Variants in TRAPPC9 observed in about 807,000 individuals in gnomAD.
TRAPPC9 encodes trafficking protein particle complex subunit 9.
In TRAPPC9, 83 loss-of-function variants were observed where a neutral mutation model predicts 124.0. The ratio of observed to expected loss-of-function variants is 0.67; its 90% CI spans 0.56 to 0.80. The LOEUF (loss-of-function observed/expected upper bound fraction) is 0.80. Ranked by LOEUF, TRAPPC9 falls within the 30% of genes least tolerant of loss-of-function variation. TRAPPC9 has a pLI of 0.00. For missense variants in TRAPPC9, 1,302 were observed against 1,508.3 expected, an observed-to-expected ratio of 0.86 and a Z score of 2.27; for synonymous variants, 638 against 617.5, an observed-to-expected ratio of 1.03 and a Z score of -0.49.
chr8:140,159,454 G>A (rs554156181), intron 17 of TRAPPC9, among the ~76,000 whole-genome samples: 54 of 152,180 alleles, frequency 3.5e-4, no homozygotes, highest in African/African-American at 1.2e-3. Flanking sequence ...GACATCTGCC[G>A]ATGTCTCCTC....
intron 5 of TRAPPC9, among the ~76,000 whole-genome samples, chr8:140,414,361 C>T (rs528180109): frequency 5.0e-4 from 76 of 152,178 alleles, no homozygotes; most frequent in Non-Finnish European, 9.6e-4. Flanking sequence ...TAGTGAGATC[C>T]TAACTCTACA....
chr8:140,070,649 G>T (rs1226721653), intron 17 of TRAPPC9, among the ~76,000 whole-genome samples: 1 of 152,200 alleles, frequency 6.6e-6, no homozygotes, highest in African/African-American at 2.4e-5. Context: ...AGTGACAGAA[G>T]AGTGTGGCAG....
chr8:139,831,354 C>T (rs756996858), intron 21 of TRAPPC9, among the ~76,000 whole-genome samples: 37 of 152,068 alleles, frequency 2.4e-4, no homozygotes, highest in Middle Eastern at 3.2e-3. Flanking sequence ...TCCCAGCCAT[C>T]AGTGAGGTTT....
intron 21 of TRAPPC9, among the ~76,000 whole-genome samples, chr8:139,759,015 C>A (rs1388406024): frequency 6.6e-6 from 1 of 152,200 alleles, no homozygotes; most frequent in Non-Finnish European, 1.5e-5. Flanking sequence ...TGCCTCTGTT[C>A]TCTTTCTGGT....
At position 140,360,117 on chromosome 8, in the gene TRAPPC9, GT is replaced by G; in HGVS notation, c.1427del (p.Asn476ThrfsTer32). On this transcript the variant is annotated frameshift_variant, in exon 9 of 23. Coordinates refer to ENST00000438773, the MANE Select transcript of TRAPPC9 (RefSeq NM_001160372.4). LOFTEE classifies it high-confidence loss of function. ...ELVYASRRMG[N>X]PALSVRHLSF... The stretch of plus-strand genomic sequence containing the variant: ...ACAGGTGTCTGACAGAGAGGGCAGG[GT>G]TCCCCATCCTTCGGGAGGCGTAGAC... 3 of 1,614,234 alleles carry G rather than the reference GT, an allele frequency of 1.9e-6. No homozygotes were observed. Among genetic ancestry groups the G allele is most frequent in the Non-Finnish European group, 2.5e-6 (3 of 1,180,054 alleles).
chr8:140,425,782 C>T (rs1195350236), intron 5 of TRAPPC9, among the ~76,000 whole-genome samples: 2 of 152,192 alleles, frequency 1.3e-5, no homozygotes, highest in Non-Finnish European at 2.9e-5. Flanking sequence ...GACTGTCCCC[C>T]AGATGCCTTC....
intron 19 of TRAPPC9, among the ~76,000 whole-genome samples, chr8:139,943,195 T>C (rs1032497724): frequency 1.4e-4 from 21 of 152,296 alleles, no homozygotes; most frequent in African/African-American, 4.8e-4. Context: ...GCCTCCCAAG[T>C]AGTTGGGACT....
chr8:139,979,332 G>A (rs117786872), intron 19 of TRAPPC9, among the ~76,000 whole-genome samples: 64 of 152,208 alleles, frequency 4.2e-4, no homozygotes, highest in East Asian at 4.1e-3. Context: ...ACGCTGCCAC[G>A]GAGCTTCCCA....
intron 18 of TRAPPC9, among the ~76,000 whole-genome samples, chr8:140,017,666 A>G (rs1839554478): frequency 6.6e-6 from 1 of 152,014 alleles, no homozygotes; most frequent in Non-Finnish European, 1.5e-5. Context: ...AAGTCCTCCA[A>G]CTTTGTTCTT....
chr8:139,820,754 G>C (rs971635502), intron 21 of TRAPPC9, among the ~76,000 whole-genome samples: 1 of 152,098 alleles, frequency 6.6e-6, no homozygotes, highest in African/African-American at 2.4e-5. Flanking sequence ...ATTTACAAAA[G>C]AACTAAATAT....
chr8:140,420,306 GAATCTCTATCA>G (rs1034858314), intron 5 of TRAPPC9, among the ~76,000 whole-genome samples: 3 of 152,204 alleles, frequency 2.0e-5, no homozygotes, highest in East Asian at 1.9e-4. Flanking sequence ...ACAGTTTGGA[GAATCTCTATCA>G]AATCTCTATC....
At chr8:140,140,030 G>C (rs1054685117) in intron 17 of TRAPPC9, among the ~76,000 whole-genome samples, 1 of 152,228 alleles carries the variant, frequency 6.6e-6, no homozygotes, top group Non-Finnish European at 1.5e-5. Context: ...ACCACACCCA[G>C]TGAAGGCAGG....
chr8:140,053,833 C>A (rs1842141370), intron 17 of TRAPPC9, among the ~76,000 whole-genome samples: 1 of 152,108 alleles, frequency 6.6e-6, no homozygotes, highest in African/African-American at 2.4e-5. Flanking sequence ...GCAGTGTTTG[C>A]CTTCATGTTT....
At chr8:139,798,414 A>G (rs1156365975) in intron 21 of TRAPPC9, among the ~76,000 whole-genome samples, 1 of 152,360 alleles carries the variant, frequency 6.6e-6, no homozygotes, top group East Asian at 1.9e-4. Flanking sequence ...TTAGCACCCT[A>G]AAGAGAAGAT....
At chr8:140,074,514 C>T (rs1305843100) in intron 17 of TRAPPC9, among the ~76,000 whole-genome samples, 2 of 152,206 alleles carry the variant, frequency 1.3e-5, no homozygotes, top group Admixed American at 1.3e-4. Context: ...GAAGGAGATG[C>T]ACAGAAGATG....
chr8:140,164,664 C>A (rs1192703162), intron 17 of TRAPPC9, among the ~76,000 whole-genome samples: 4 of 152,196 alleles, frequency 2.6e-5, no homozygotes, highest in Non-Finnish European at 5.9e-5. Flanking sequence ...TAGGCATGGT[C>A]TCCTGGGCCT....
intron 21 of TRAPPC9, among the ~76,000 whole-genome samples, chr8:139,737,728 TG>T (rs1818294601): frequency 6.6e-6 from 1 of 152,096 alleles, no homozygotes; most frequent in Admixed American, 6.5e-5. Flanking sequence ...CGGACTGTCT[TG>T]GGTTTGAGTT....
intron 20 of TRAPPC9, among the ~76,000 whole-genome samples, chr8:139,902,564 C>T (rs1205698602): frequency 6.6e-6 from 1 of 152,236 alleles, no homozygotes; most frequent in Non-Finnish European, 1.5e-5. Context: ...GTACTGATGG[C>T]AGGAGCCGTT....
chr8:139,885,183 A>C (rs1829923882), intron 21 of TRAPPC9, among the ~76,000 whole-genome samples: 2 of 152,250 alleles, frequency 1.3e-5, no homozygotes, highest in African/African-American at 4.8e-5. Context: ...TCCAGATAAT[A>C]AAGATTCTCA....
Sources: allele counts gnomAD v4.1 joint callset (sites outside exome capture counted in the v4.1 genomes callset), GRCh38; gene constraint gnomAD v4.1.1; transcripts MANE v1.5; gene names NCBI Gene and HGNC (gene_info 2026-07-23, HGNC 2026-07-21).